ACER3: variants seen among roughly 807,000 people sequenced by gnomAD.
The protein encoded by ACER3 is alkaline ceramidase 3.
Under a neutral mutation model 48.9 loss-of-function variants are expected in ACER3, and 16 were observed. The ratio of observed to expected loss-of-function variants is 0.33; its 90% CI spans 0.22 to 0.50. The LOEUF (loss-of-function observed/expected upper bound fraction) is 0.50. ACER3 is among the 20% of genes least tolerant of loss of function. The pLI is 0.98. For synonymous variants in ACER3, 109 were observed against 107.8 expected (o/e 1.01, Z -0.07); for missense variants, 227 against 326.0 (o/e 0.70, Z 2.34).
At position 76,965,005 on chromosome 11, in the gene ACER3, C is replaced by CT. The variant is rs546438351; in HGVS notation, c.267+5975dup. Among the ~76,000 whole-genome samples the CT allele has an allele frequency of 2.3e-4, 35 of 151,256 alleles. No individual in the cohort carries two copies. In the South Asian group the frequency reaches 7.1e-3, roughly 31 times the overall value. On this transcript the variant is annotated intron_variant, in intron 3 of 10. Transcript: ENST00000532485. ...GAGAAGAAGGCTTCAGAAGATTAAA[C>CT]TACTCCAAGCTAAAGGAGGAAGTTC...
intron 3 of ACER3, among the ~76,000 whole-genome samples, chr11:76,962,488 G>A (rs757608811): frequency 9.3e-5 from 14 of 151,216 alleles, no homozygotes; most frequent in Admixed American, 3.9e-4. Flanking sequence ...CAAAGTGCTG[G>A]GAATACAGGC....
chr11:76,924,257 CTCT>C (rs1390167826), intron 1 of ACER3, among the ~76,000 whole-genome samples: 1 of 152,148 alleles, frequency 6.6e-6, no homozygotes, highest in East Asian at 1.9e-4. Flanking sequence ...CTCTGCTCCC[CTCT>C]TCTTCTTATT....
intron 2 of ACER3, among the ~76,000 whole-genome samples, chr11:76,944,983 G>C (rs1397195431): frequency 6.8e-6 from 1 of 146,984 alleles, no homozygotes; most frequent in Non-Finnish European, 1.5e-5. Flanking sequence ...TCTTCTGCTT[G>C]GTCTAGTCTA....
intron 8 of ACER3, 75 bp from the exon 9 acceptor site, chr11:77,016,600 A>G: frequency 1.4e-6 from 1 of 713,824 alleles, no homozygotes; most frequent in East Asian, 2.8e-5. Flanking sequence ...ATATTTCAAA[A>G]TGCTCTAAGA....
intron 5 of ACER3, 54 bp from the exon 6 acceptor site, chr11:76,990,485 T>G: frequency 1.6e-6 from 2 of 1,288,334 alleles, no homozygotes; most frequent in Non-Finnish European, 2.3e-6. Context: ...GAGTCGGTTT[T>G]TCCCCCCTTC....
chr11:77,012,422 A>T (rs1210942741), intron 7 of ACER3, among the ~76,000 whole-genome samples: 1 of 149,862 alleles, frequency 6.7e-6, no homozygotes, highest in Non-Finnish European at 1.5e-5. Flanking sequence ...ATCTCAAAAA[A>T]AAAAAAAAAA....
At chr11:76,884,378 C>T (rs1945619852) in intron 1 of ACER3, among the ~76,000 whole-genome samples, 2 of 152,194 alleles carry the variant, frequency 1.3e-5, no homozygotes, top group South Asian at 4.1e-4. Flanking sequence ...TTTTTCATAG[C>T]ATTTGCCCTC....
chr11:77,006,057 T>C (rs1949142138), intron 7 of ACER3, among the ~76,000 whole-genome samples: 1 of 141,514 alleles, frequency 7.1e-6, no homozygotes, highest in East Asian at 2.2e-4. Context: ...TGGCGCGATC[T>C]TGGCTCACTG....
At position 76,926,464 on chromosome 11, in the gene ACER3, C is replaced by T. The variant is rs540895834; in HGVS notation, c.104-93C>T. The T allele has an allele frequency of 3.7e-5, 24 of 650,702 alleles. No individual in the cohort carries two copies. In the East Asian group the frequency reaches 7.2e-4, roughly 20 times the overall value. 40.3% of individuals were successfully genotyped at this position (650,702 alleles called of 1,614,324 possible). A position where few individuals can be genotyped will look rare whatever the true frequency, so the allele number is the denominator to read the frequency against. Reference sequence around the variant, plus strand: ...TTCCCAATGTCTTTCTGAGAAGTTACTTGTGTAATTGTTGTTAAAGCCTAC... The same window carrying T: ...TTCCCAATGTCTTTCTGAGAAGTTATTTGTGTAATTGTTGTTAAAGCCTAC... On this transcript the variant is annotated intron_variant, in intron 1 of 10. Transcript: ENST00000532485.
chr11:76,912,701 T>G (rs1470191265), intron 1 of ACER3, among the ~76,000 whole-genome samples: 2 of 123,436 alleles, frequency 1.6e-5, no homozygotes, highest in Admixed American at 1.5e-4. Flanking sequence ...AAAAAATTTT[T>G]TCTCTTGTGT....
At chr11:76,910,543 T>C (rs1461889847) in intron 1 of ACER3, among the ~76,000 whole-genome samples, 1 of 152,184 alleles carries the variant, frequency 6.6e-6, no homozygotes, top group African/African-American at 2.4e-5. Context: ...ATAATAGGTA[T>C]TATGCCTAAT....
At chr11:76,875,987 G>A (rs557430543) in intron 1 of ACER3, among the ~76,000 whole-genome samples, 1 of 151,988 alleles carries the variant, frequency 6.6e-6, no homozygotes, top group South Asian at 2.1e-4. Context: ...TAGAGACATG[G>A]TTTCACCATA....
At chr11:76,979,054 G>A (rs1039810384) in intron 4 of ACER3, among the ~76,000 whole-genome samples, 3 of 152,330 alleles carry the variant, frequency 2.0e-5, no homozygotes, top group South Asian at 4.1e-4. Context: ...GGTAGCATGA[G>A]CCAAGTGCAG....
chr11:76,916,769 C>G (rs1254319446), intron 1 of ACER3, among the ~76,000 whole-genome samples: 1 of 152,190 alleles, frequency 6.6e-6, no homozygotes, highest in Non-Finnish European at 1.5e-5. Context: ...ATGTTCATTT[C>G]ACCAACTATT....
At chr11:76,893,823 C>T (rs1428490881) in intron 1 of ACER3, among the ~76,000 whole-genome samples, 1 of 151,930 alleles carries the variant, frequency 6.6e-6, no homozygotes, top group Admixed American at 6.6e-5. Flanking sequence ...TTTTTTAATC[C>T]ATGAACTGAA....
intron 5 of ACER3, among the ~76,000 whole-genome samples, chr11:76,989,555 G>A (rs749433285): frequency 6.6e-6 from 1 of 152,054 alleles, no homozygotes; most frequent in Non-Finnish European, 1.5e-5. Flanking sequence ...GATAAGTAAT[G>A]AATAGAGGAG....
chr11:77,010,872 G>T (rs1949248979), intron 7 of ACER3, among the ~76,000 whole-genome samples: 1 of 152,148 alleles, frequency 6.6e-6, no homozygotes, highest in Non-Finnish European at 1.5e-5. Context: ...AATTCTACAG[G>T]CAGCCAAACT....
intron 1 of ACER3, among the ~76,000 whole-genome samples, chr11:76,864,074 G>T (rs183335714): frequency 6.6e-6 from 1 of 152,314 alleles, no homozygotes; most frequent in Admixed American, 6.5e-5. Flanking sequence ...ATGTATTTTA[G>T]GGAATAATGA....
intron 1 of ACER3, among the ~76,000 whole-genome samples, chr11:76,903,180 TG>T (rs1487610212): frequency 6.6e-6 from 1 of 152,158 alleles, no homozygotes; most frequent in African/African-American, 2.4e-5. Context: ...ATATATTTAT[TG>T]AAAAAAATCC....
Sources: allele counts gnomAD v4.1 joint callset (sites outside exome capture counted in the v4.1 genomes callset), GRCh38; gene constraint gnomAD v4.1.1; transcripts MANE v1.5; gene names NCBI Gene and HGNC (gene_info 2026-07-23, HGNC 2026-07-21).